Variants in CREM observed in about 807,000 individuals in gnomAD.
The protein encoded by CREM is cAMP responsive element modulator, also known as cAMP-responsive element modulator.
CREM carries 13 observed loss-of-function variants against 37.3 expected under a neutral mutation model. The ratio of observed to expected loss-of-function variants is 0.35; its 90% confidence interval spans 0.23 to 0.55. The LOEUF (loss-of-function observed/expected upper bound fraction) is 0.55, where lower values mean the gene tolerates loss of function less well. CREM is among the 20% of genes least tolerant of loss of function. CREM has a pLI of 0.88. For synonymous variants in CREM, 124 were observed against 120.2 expected (o/e 1.03, Z -0.21); for missense variants, 296 against 362.3 (o/e 0.82, Z 1.49).
intron 6 of CREM, chr10:35,196,074 T>G: frequency 1.2e-6 from 2 of 1,614,182 alleles, no homozygotes; most frequent in Non-Finnish European, 1.7e-6. Flanking sequence ...TGAACAGAAC[T>G]CAGGAGTTGT....
chr10:35,128,313 C>T (rs1360292313), intron 1 of CREM, among the ~76,000 whole-genome samples: 1 of 152,134 alleles, frequency 6.6e-6, no homozygotes, highest in Non-Finnish European at 1.5e-5. Flanking sequence ...TGAAAGAGCT[C>T]CTTTAACACT....
intron 6 of CREM, among the ~76,000 whole-genome samples, chr10:35,203,979 C>A (rs760662742): frequency 9.9e-5 from 15 of 152,134 alleles, no homozygotes; most frequent in Non-Finnish European, 1.9e-4. Context: ...GGCTATTGTT[C>A]CAATTTTAGA....
At chr10:35,133,453 C>T (rs1343612937) in intron 1 of CREM, among the ~76,000 whole-genome samples, 2 of 151,944 alleles carry the variant, frequency 1.3e-5, no homozygotes, top group Admixed American at 6.6e-5. Context: ...TGCCTGCCAC[C>T]GTGCCTGGCT....
intron 3 of CREM, among the ~76,000 whole-genome samples, chr10:35,164,317 T>A (rs2093434412): frequency 6.6e-6 from 1 of 152,248 alleles, no homozygotes; most frequent in African/African-American, 2.4e-5. Context: ...GTAATTAGGC[T>A]TTAAGATGAA....
At chr10:35,130,307 C>T (rs1254862179) in intron 1 of CREM, among the ~76,000 whole-genome samples, 2 of 151,156 alleles carry the variant, frequency 1.3e-5, no homozygotes, top group Non-Finnish European at 2.9e-5. Context: ...TTAGACAATA[C>T]ATTTTAAATG....
chr10:35,175,746 A>G, intron 3 of CREM: 2 of 1,614,176 alleles, frequency 1.2e-6, no homozygotes, highest in Non-Finnish European at 1.7e-6. Context: ...AGCAGCAGGA[A>G]AAAGAGAAGT....
chr10:35,160,458 G>GCACAA (rs987449634), intron 3 of CREM, among the ~76,000 whole-genome samples: 1 of 152,058 alleles, frequency 6.6e-6, no homozygotes, highest in Non-Finnish European at 1.5e-5. Flanking sequence ...GAGTACAGTG[G>GCACAA]CACAATCATA....
intron 3 of CREM, chr10:35,175,666 C>A: frequency 6.2e-7 from 1 of 1,613,830 alleles, no homozygotes; most frequent in African/African-American, 1.3e-5. Context: ...AATGTCACAT[C>A]AGAAAATGAC....
At chr10:35,155,637 T>C (rs891966439) in intron 3 of CREM, among the ~76,000 whole-genome samples, 3 of 151,944 alleles carry the variant, frequency 2.0e-5, no homozygotes, top group African/African-American at 7.3e-5. Context: ...TTTTCTTTTT[T>C]TTTTTGTAGA....
chr10:35,134,684 A>G (rs948431998), intron 1 of CREM, among the ~76,000 whole-genome samples: 3 of 152,232 alleles, frequency 2.0e-5, no homozygotes, highest in African/African-American at 7.2e-5. Flanking sequence ...CCTTTATAGC[A>G]TAATCAACAT....
chr10:35,158,806 T>TTG (rs1564838445), intron 3 of CREM, among the ~76,000 whole-genome samples: 7 of 100,456 alleles, frequency 7.0e-5, no homozygotes, highest in African/African-American at 2.3e-4. Flanking sequence ...GTGTTTTTTT[T>TTG]TTGTTGTTTT....
rs543961468 is a variant in CREM, at chr10:35,158,798, G to GTTTTTTTTTTTTTT, written c.168+10317_168+10318insTTTTTTTTTTTTTT. Among the ~76,000 whole-genome samples the GTTTTTTTTTTTTTT allele has an allele frequency of 2.0e-5, 2 of 100,840 alleles. 1 individual carries two copies. The highest frequency in any genetic ancestry group is 7.0e-4 in the South Asian group (2 of 2,866). The allele number at this position is 100,840 out of a possible 152,430, so 66.2% of individuals were successfully genotyped here. A position where few individuals can be genotyped will look rare whatever the true frequency, so the allele number is the denominator to read the frequency against. ...CTTTTTGGAGAGTAGCAAATATAGTGTTTTTTTTTTGTTGTTTTGTTTGTT... is the reference window on the plus strand; with the variant it reads ...CTTTTTGGAGAGTAGCAAATATAGTGTTTTTTTTTTTTTTTTTTTTTTTTGTTGTTTTGTTTGTT... On this transcript the variant is annotated intron_variant, in intron 3 of 7. Transcript: ENST00000685392.
chr10:35,138,101 A>G (rs1364979617), intron 2 of CREM, among the ~76,000 whole-genome samples: 1 of 152,240 alleles, frequency 6.6e-6, no homozygotes, highest in Non-Finnish European at 1.5e-5. Flanking sequence ...ACTTATGCTA[A>G]GTACTAGTCT....
intron 1 of CREM, among the ~76,000 whole-genome samples, chr10:35,130,755 A>G (rs923232662): frequency 6.6e-6 from 1 of 152,232 alleles, no homozygotes; most frequent in Admixed American, 6.5e-5. Context: ...AGGCTATCCC[A>G]TTTGGCATAG....
chr10:35,183,991 T>G (rs1313847606), intron 5 of CREM, among the ~76,000 whole-genome samples: 1 of 152,182 alleles, frequency 6.6e-6, no homozygotes, highest in Non-Finnish European at 1.5e-5. Context: ...GGAGAATCGC[T>G]TGAACCCAGC....
chr10:35,200,597 G>A (rs2095355705), intron 6 of CREM, among the ~76,000 whole-genome samples: 1 of 152,188 alleles, frequency 6.6e-6, no homozygotes, highest in African/African-American at 2.4e-5. Flanking sequence ...GGCAGTGTGG[G>A]ATACCAGGCA....
intron 2 of CREM, among the ~76,000 whole-genome samples, chr10:35,138,918 A>G (rs567192076): frequency 2.3e-3 from 351 of 151,896 alleles, no homozygotes; most frequent in Non-Finnish European, 3.8e-3. Flanking sequence ...GTTTTAATGG[A>G]GGGTCCTATT....
chr10:35,169,524 A>C (rs1170317199), intron 3 of CREM, among the ~76,000 whole-genome samples: 2 of 152,218 alleles, frequency 1.3e-5, no homozygotes, highest in African/African-American at 4.8e-5. Context: ...TAAATATACA[A>C]TCATGTCATC....
intron 2 of CREM, among the ~76,000 whole-genome samples, chr10:35,146,439 G>A (rs960045825): frequency 1.3e-5 from 2 of 152,158 alleles, no homozygotes; most frequent in African/African-American, 4.8e-5. Flanking sequence ...TCTTTAAAAC[G>A]TTTTGACAAA....
Sources: gnomAD v4.1 joint callset for allele counts (sites outside exome capture counted in the v4.1 genomes callset) on GRCh38, gnomAD v4.1.1 for gene constraint, MANE v1.5 for transcripts, NCBI Gene and HGNC (gene_info 2026-07-23, HGNC 2026-07-21) for gene names.